Variants in LRRC4C observed in about 807,000 individuals in gnomAD.
LRRC4C encodes leucine-rich repeat-containing protein 4C.
In LRRC4C, 5 loss-of-function variants were observed where a neutral mutation model predicts 33.6. The ratio of observed to expected loss-of-function variants is 0.15; its 90% CI spans 0.08 to 0.31. The LOEUF (loss-of-function observed/expected upper bound fraction) is 0.31, where lower values mean the gene tolerates loss of function less well. Among genes scored for constraint, LRRC4C ranks in the 10% least tolerant of loss-of-function variants. LRRC4C has a pLI of 1.00. For missense variants in LRRC4C, 560 were observed against 796.7 expected (o/e 0.70, Z 3.58); for synonymous variants, 329 against 302.0 (o/e 1.09, Z -0.93).
chr11:40,816,822 G>A (rs889964460), intron 2 of LRRC4C, among the ~76,000 whole-genome samples: 19 of 152,072 alleles, frequency 1.2e-4, no homozygotes, highest in African/African-American at 4.6e-4. Context: ...GTATTTTGAT[G>A]TTTTTTAATC....
chr11:41,263,765 C>G (rs1949058070), intron 1 of LRRC4C, among the ~76,000 whole-genome samples: 1 of 152,030 alleles, frequency 6.6e-6, no homozygotes, highest in African/African-American at 2.4e-5. Context: ...TGAGACCAAG[C>G]ACAGTGTCTA....
chr11:40,569,487 C>T (rs1311898991), intron 3 of LRRC4C, among the ~76,000 whole-genome samples: 1 of 152,024 alleles, frequency 6.6e-6, no homozygotes, highest in African/African-American at 2.4e-5. Flanking sequence ...AGCAAAGTGA[C>T]CAAATTTAGT....
chr11:40,250,025 T>C (rs1353571966), intron 4 of LRRC4C, among the ~76,000 whole-genome samples: 1 of 152,218 alleles, frequency 6.6e-6, no homozygotes, highest in Non-Finnish European at 1.5e-5. Context: ...CTTCTTAGAT[T>C]ATAGGTTAAC....
intron 1 of LRRC4C, among the ~76,000 whole-genome samples, chr11:41,446,615 G>C (rs1955835463): frequency 6.6e-6 from 1 of 152,032 alleles, no homozygotes; most frequent in Admixed American, 6.6e-5. Context: ...AAGCTACAAG[G>C]CTTTATAAGG....
chr11:41,111,586 T>A (rs573103938), intron 1 of LRRC4C, among the ~76,000 whole-genome samples: 1 of 152,222 alleles, frequency 6.6e-6, no homozygotes, highest in South Asian at 2.1e-4. Flanking sequence ...ATCTCAGTAG[T>A]TAAAATGGAG....
intron 4 of LRRC4C, among the ~76,000 whole-genome samples, chr11:40,249,844 A>C (rs1590817937): frequency 1.3e-5 from 2 of 152,184 alleles, no homozygotes; most frequent in Non-Finnish European, 2.9e-5. Context: ...TAAAATAAAG[A>C]GGCACAGACA....
At chr11:40,360,220 G>C (rs756017739) in intron 3 of LRRC4C, among the ~76,000 whole-genome samples, 46 of 152,202 alleles carry the variant, frequency 3.0e-4, no homozygotes, top group Admixed American at 3.9e-4. Flanking sequence ...AAAAATTCCA[G>C]GCTACAATAA....
intron 3 of LRRC4C, among the ~76,000 whole-genome samples, chr11:40,586,479 T>C (rs1321696179): frequency 6.7e-6 from 1 of 149,482 alleles, no homozygotes; most frequent in African/African-American, 2.5e-5. Flanking sequence ...TTTAGTTTAA[T>C]TAGATCCCAT....
At chr11:41,111,217 G>C (rs1941811205) in intron 1 of LRRC4C, among the ~76,000 whole-genome samples, 1 of 152,052 alleles carries the variant, frequency 6.6e-6, no homozygotes, top group Non-Finnish European at 1.5e-5. Context: ...AATTTGAAAA[G>C]GGAAGCTGTT....
At chr11:40,577,545 AG>A (rs1958244653) in intron 3 of LRRC4C, among the ~76,000 whole-genome samples, 2 of 152,156 alleles carry the variant, frequency 1.3e-5, no homozygotes, top group South Asian at 2.1e-4. Flanking sequence ...ACAGAGGAAA[AG>A]GGGTGGCTTT....
intron 3 of LRRC4C, among the ~76,000 whole-genome samples, chr11:40,558,543 C>A (rs1957418535): frequency 6.6e-6 from 1 of 152,028 alleles, no homozygotes; most frequent in African/African-American, 2.4e-5. Context: ...TACTATCTAC[C>A]CGACTATCTC....
intron 1 of LRRC4C, among the ~76,000 whole-genome samples, chr11:41,264,332 C>T (rs889438264): frequency 3.9e-5 from 6 of 151,956 alleles, no homozygotes; most frequent in African/African-American, 7.3e-5. Flanking sequence ...TCTCATGATC[C>T]GCCTGCCTCG....
chr11:40,567,966 T>C (rs1957832509), intron 3 of LRRC4C, among the ~76,000 whole-genome samples: 1 of 152,186 alleles, frequency 6.6e-6, no homozygotes, highest in Non-Finnish European at 1.5e-5. Context: ...AGTGAAGGCA[T>C]TTGGAAGGTT....
intron 2 of LRRC4C, among the ~76,000 whole-genome samples, chr11:40,777,864 A>C (rs1950069605): frequency 6.6e-6 from 1 of 151,360 alleles, no homozygotes; most frequent in Admixed American, 6.6e-5. Flanking sequence ...ATTTTTTTGT[A>C]TTATTAATAG....
intron 1 of LRRC4C, among the ~76,000 whole-genome samples, chr11:41,331,529 G>A (rs772603664): frequency 3.9e-5 from 6 of 152,092 alleles, no homozygotes; most frequent in Non-Finnish European, 5.9e-5. Flanking sequence ...ATAACTTGCC[G>A]CCTCCCTTCA....
At chr11:41,249,388 T>C (rs1311255858) in intron 1 of LRRC4C, among the ~76,000 whole-genome samples, 2 of 152,178 alleles carry the variant, frequency 1.3e-5, no homozygotes, top group Admixed American at 6.5e-5. Context: ...ACCATTCTCC[T>C]TACTTTTACC....
chr11:41,386,648 A>G (rs113557908), intron 1 of LRRC4C, among the ~76,000 whole-genome samples: 3,369 of 151,892 alleles, frequency 0.022, 130 homozygotes, highest in African/African-American at 0.076. Flanking sequence ...GCTAGTCTTA[A>G]TCTTCTACAT....
chr11:41,061,147 T>C (rs765458405), intron 1 of LRRC4C, among the ~76,000 whole-genome samples: 14 of 152,198 alleles, frequency 9.2e-5, no homozygotes, highest in Non-Finnish European at 1.6e-4. Flanking sequence ...CATACTATAT[T>C]GAATAATTCA....
At chr11:40,172,163 C>T (rs1860100465) in intron 5 of LRRC4C, among the ~76,000 whole-genome samples, 1 of 152,140 alleles carries the variant, frequency 6.6e-6, no homozygotes, top group South Asian at 2.1e-4. Context: ...CAGGAATAGT[C>T]CTCACCAGAC....
Sources: allele counts gnomAD v4.1 joint callset (sites outside exome capture counted in the v4.1 genomes callset), GRCh38; gene constraint gnomAD v4.1.1; transcripts MANE v1.5; gene names NCBI Gene and HGNC (gene_info 2026-07-23, HGNC 2026-07-21).